The following L3MBTL4 variants were observed in gnomAD, a reference collection of about 807,000 sequenced individuals.
L3MBTL4 encodes the protein lethal(3)malignant brain tumor-like protein 4.
A neutral mutation model predicts 84.5 loss-of-function variants in L3MBTL4; 70 were observed. The observed-to-expected ratio is 0.83, with a 90% CI of 0.68 to 1.01. L3MBTL4 has a LOEUF of 1.01. Among genes scored for constraint, L3MBTL4 ranks in the 50% least tolerant of loss-of-function variants. L3MBTL4 has a pLI of 0.00. For synonymous variants in L3MBTL4, 274 were observed against 259.8 expected, an observed-to-expected ratio of 1.05 and a Z score of -0.52; for missense variants, 715 against 754.8, an observed-to-expected ratio of 0.95 and a Z score of 0.62.
rs7232746 is a variant in L3MBTL4 at position 6,383,685 on chromosome 18, G to A, written c.-91+31116C>T. 2.2e-3 allele frequency among the ~76,000 whole-genome samples: 333 copies of A among 152,284 alleles called. 3 individuals are homozygous for A. The highest frequency in any genetic ancestry group is 7.6e-3 in the African/African-American group (314 of 41,566). On this transcript the variant is annotated intron_variant, in intron 1 of 18. Transcript: ENST00000317931. The stretch of plus-strand genomic sequence containing the variant: ...ATGAGATGAACTGGGTACCTCAGTT[G>A]GAAATGCAGAAATCACCCAACCTTC...
At chr18:6,328,661 G>A (rs1262956613) in intron 1 of L3MBTL4, among the ~76,000 whole-genome samples, 1 of 152,200 alleles carries the variant, frequency 6.6e-6, no homozygotes, top group African/African-American at 2.4e-5. Flanking sequence ...AATAGCATTA[G>A]ATTTTTGTGA....
In L3MBTL4 at chr18:5,956,387, G is replaced by A. The variant is rs2095226917; in HGVS notation, c.1678C>T (p.Gln560Ter). 6.2e-7 allele frequency: 1 copy of A among 1,613,218 alleles called. No homozygotes were observed. Among genetic ancestry groups the A allele is most frequent in the Non-Finnish European group, 8.5e-7 (1 of 1,179,746 alleles). ...EEHAKCFKKE[Q>*]IDGKAFLLLT... ...AGCAGGAAGGCTTTGCCATCGATCT[G>A]CTGCAAATACATAAATAGACACAAA... The change falls in exon 19 of 19, where the codon CAG becomes TAG. Residue 560 changes from glutamine to a stop codon, truncating the protein, a stop_gained and splice_region_variant. Transcript: ENST00000317931. LOFTEE classifies it high-confidence loss of function.
intron 16 of L3MBTL4, among the ~76,000 whole-genome samples, chr18:6,060,944 T>C (rs1019535257): frequency 9.9e-5 from 15 of 152,136 alleles, no homozygotes; most frequent in African/African-American, 2.9e-4. Flanking sequence ...TTTTGACAAT[T>C]ATAAATAAAG....
intron 1 of L3MBTL4, among the ~76,000 whole-genome samples, chr18:6,314,263 C>T (rs1301488289): frequency 6.6e-6 from 1 of 152,126 alleles, no homozygotes; most frequent in Non-Finnish European, 1.5e-5. Flanking sequence ...GATATATGGC[C>T]TACTCCCAGG....
At chr18:6,094,316 G>C (rs1294643093) in intron 14 of L3MBTL4, among the ~76,000 whole-genome samples, 1 of 152,198 alleles carries the variant, frequency 6.6e-6, no homozygotes, top group African/African-American at 2.4e-5. Flanking sequence ...TACCAGGGAA[G>C]ACACACCCAA....
chr18:6,099,076 G>A (rs1335498317), intron 14 of L3MBTL4, among the ~76,000 whole-genome samples: 6 of 152,198 alleles, frequency 3.9e-5, no homozygotes, highest in Admixed American at 3.9e-4. Context: ...GGCAGCAGCA[G>A]GCAGCTCTTT....
intron 1 of L3MBTL4, among the ~76,000 whole-genome samples, chr18:6,339,504 GAAAGTATAGCCTTAA>G (rs2052505083): frequency 6.6e-6 from 1 of 152,132 alleles, no homozygotes. Flanking sequence ...TGCTTAGAAA[GAAAGTATAGCCTTAA>G]ATGGATTATC....
intron 16 of L3MBTL4, among the ~76,000 whole-genome samples, chr18:5,974,523 G>A (rs10153379): frequency 0.069 from 10,447 of 152,244 alleles, 1,161 homozygotes; most frequent in African/African-American, 0.24. Flanking sequence ...ACAGCCAGGG[G>A]AAGGCCAATT....
intron 16 of L3MBTL4, among the ~76,000 whole-genome samples, chr18:6,047,985 C>G (rs576076364): frequency 2.0e-5 from 3 of 152,226 alleles, no homozygotes; most frequent in East Asian, 1.9e-4. Flanking sequence ...GCTGACAGTA[C>G]GATTCTACAC....
chr18:6,171,844 T>A lies in L3MBTL4; in HGVS notation c.1080A>T (p.Pro360=). The A allele has an allele frequency of 3.9e-6, 6 of 1,547,272 alleles. No individual in the cohort carries two copies. Among genetic ancestry groups the A allele is most frequent in the Non-Finnish European group, 5.2e-6 (6 of 1,143,280 alleles). ...PIGWCDVTGH[P]LEVPQRTNDL... ...AGTACTCACGCTGTGGCACTTCCAG[T>A]GGATGCCCTGTGACATCACACCATC... Residue 360 remains proline, a synonymous_variant, in exon 13 of 19, where the codon CCA becomes CCT. Coordinates refer to ENST00000317931, the MANE Select transcript of L3MBTL4 (RefSeq NM_001330559.2).
intron 13 of L3MBTL4, among the ~76,000 whole-genome samples, chr18:6,140,048 C>T (rs923199998): frequency 6.6e-6 from 1 of 152,198 alleles, no homozygotes; most frequent in Non-Finnish European, 1.5e-5. Flanking sequence ...CCCAACCCAT[C>T]TGGGCCACAC....
chr18:6,099,607 T>TATATATA (rs201566898), intron 14 of L3MBTL4, among the ~76,000 whole-genome samples: 1 of 122,794 alleles, frequency 8.1e-6, no homozygotes, highest in East Asian at 2.8e-4. Flanking sequence ...TATATATATA[T>TATATATA]GGAGAGAGAG....
chr18:6,115,334 A>G (rs2059324978), intron 14 of L3MBTL4, among the ~76,000 whole-genome samples: 1 of 152,228 alleles, frequency 6.6e-6, no homozygotes, highest in African/African-American at 2.4e-5. Context: ...GAACTAAAGC[A>G]CAGGTGAATA....
At chr18:5,999,058 T>A (rs1375141765) in intron 16 of L3MBTL4, among the ~76,000 whole-genome samples, 1 of 152,210 alleles carries the variant, frequency 6.6e-6, no homozygotes, top group Non-Finnish European at 1.5e-5. Context: ...TTTAGCATGG[T>A]GTCCAAGACA....
intron 14 of L3MBTL4, among the ~76,000 whole-genome samples, chr18:6,099,977 T>C (rs1226974818): frequency 2.0e-5 from 3 of 152,124 alleles, no homozygotes; most frequent in African/African-American, 7.2e-5. Context: ...TAATCTTCTG[T>C]ATGTGGCCAC....
chr18:6,122,660 G>A (rs1048163234), intron 14 of L3MBTL4, among the ~76,000 whole-genome samples: 2 of 152,162 alleles, frequency 1.3e-5, no homozygotes, highest in Non-Finnish European at 2.9e-5. Context: ...GCAGTCTTGG[G>A]TATGTCTTTA....
At chr18:6,379,812 C>A (rs540819727) in intron 1 of L3MBTL4, among the ~76,000 whole-genome samples, 1 of 152,122 alleles carries the variant, frequency 6.6e-6, no homozygotes. Context: ...GTTTTGGTAT[C>A]GGAATGATGC....
intron 16 of L3MBTL4, among the ~76,000 whole-genome samples, chr18:6,059,028 A>C (rs537134867): frequency 1.1e-4 from 17 of 152,326 alleles, no homozygotes; most frequent in Non-Finnish European, 2.2e-4. Flanking sequence ...TGCACAGTCA[A>C]TAGCCAAGGA....
intron 1 of L3MBTL4, among the ~76,000 whole-genome samples, chr18:6,345,215 C>CAAAAAAAAAAAAAAA (rs35502624): frequency 1.8e-3 from 68 of 38,260 alleles, no homozygotes; most frequent in East Asian, 5.0e-3. Flanking sequence ...TACTAAAATA[C>CAAAAAAAAAAAAAAA]AAAAAAAAAA....
Sources: gnomAD v4.1 joint callset for allele counts (sites outside exome capture counted in the v4.1 genomes callset) on GRCh38, gnomAD v4.1.1 for gene constraint, MANE v1.5 for transcripts, NCBI Gene and HGNC (gene_info 2026-07-23, HGNC 2026-07-21) for gene names.